Variants in GALNT7 observed in about 807,000 individuals in gnomAD.
GALNT7 encodes the protein polypeptide N-acetylgalactosaminyltransferase 7.
GALNT7 carries 60 observed loss-of-function variants against 82.1 expected under a neutral mutation model. The ratio of observed to expected loss-of-function variants is 0.73; its 90% CI spans 0.59 to 0.91. GALNT7 has a LOEUF of 0.91. Ranked by LOEUF, GALNT7 falls within the 40% of genes least tolerant of loss-of-function variation. GALNT7 has a pLI of 0.00. For missense variants in GALNT7, 660 were observed against 804.2 expected (o/e 0.82, Z 2.17); for synonymous variants, 243 against 275.1 (o/e 0.88, Z 1.15).
chr4:173,297,709 C>T, intron 5 of GALNT7: 1 of 584,296 alleles, frequency 1.7e-6, no homozygotes, highest in Non-Finnish European at 2.7e-6. Context: ...ACAAACAAAT[C>T]AACAACAAAA....
chr4:173,286,252 GT>G (rs1322521515), intron 2 of GALNT7, among the ~76,000 whole-genome samples: 3 of 152,194 alleles, frequency 2.0e-5, no homozygotes, highest in African/African-American at 7.2e-5. Flanking sequence ...AAGTTCTCCA[GT>G]TTCCTTTGGG....
intron 2 of GALNT7, among the ~76,000 whole-genome samples, chr4:173,281,958 C>CA (rs889465641): frequency 6.6e-6 from 1 of 151,572 alleles, no homozygotes; most frequent in African/African-American, 2.4e-5. Flanking sequence ...GTCCTGCATC[C>CA]AAAAAAATTA....
At chr4:173,194,703 A>G (rs1007299451) in intron 1 of GALNT7, among the ~76,000 whole-genome samples, 50 of 152,208 alleles carry the variant, frequency 3.3e-4, no homozygotes, top group Non-Finnish European at 4.7e-4. Flanking sequence ...GGTTTGTTAC[A>G]TATGTATGCA....
intron 4 of GALNT7, 30 bp downstream of exon 4, chr4:173,295,556 A>G (rs777812847): frequency 3.3e-5 from 53 of 1,601,116 alleles, no homozygotes; most frequent in South Asian, 2.3e-4. Context: ...TACAATGTCA[A>G]CATTTTGGGT....
In GALNT7 at chr4:173,263,342, T is replaced by G. The variant is rs1463362816; in HGVS notation, c.587+14902T>G. Among the ~76,000 whole-genome samples the G allele has an allele frequency of 2.6e-5, 4 of 152,234 alleles. No homozygotes were observed. In the South Asian group the frequency reaches 6.2e-4, roughly 24 times the overall value. ...AAAATTTAATCTCTTATACTTGATT[T>G]ACTGGTAATTTCAGAGATTCTGTGC... On this transcript the variant is annotated intron_variant, in intron 2 of 11. Transcript: ENST00000265000.
intron 10 of GALNT7, 56 bp downstream of exon 10, chr4:173,317,788 A>G (rs1737662264): frequency 9.5e-7 from 1 of 1,053,540 alleles, no homozygotes; most frequent in Non-Finnish European, 1.5e-6. Flanking sequence ...CATCAGGTTT[A>G]TTGATCACAG....
chr4:173,178,060 C>CTGTGTGTGTGTGTGTGT, intron 1 of GALNT7, among the ~76,000 whole-genome samples: 1 of 123,580 alleles, frequency 8.1e-6, no homozygotes, highest in African/African-American at 4.5e-5. Flanking sequence ...TGTGCGCGCA[C>CTGTGTGTGTGTGTGTGT]GCGCGTGCGC....
At chr4:173,188,623 C>G (rs2126638038) in intron 1 of GALNT7, among the ~76,000 whole-genome samples, 1 of 152,320 alleles carries the variant, frequency 6.6e-6, no homozygotes, top group African/African-American at 2.4e-5. Flanking sequence ...GCGCTGTGGA[C>G]AGATGGACCT....
chr4:173,296,183 A>G (rs374285420), intron 5 of GALNT7, among the ~76,000 whole-genome samples: 1 of 152,210 alleles, frequency 6.6e-6, no homozygotes, highest in East Asian at 1.9e-4. Context: ...TTGAGGAACC[A>G]TGCTTTGATA....
intron 6 of GALNT7, 135 bp downstream of exon 6, chr4:173,298,432 T>C: frequency 1.6e-6 from 1 of 623,926 alleles, no homozygotes; most frequent in East Asian, 2.9e-5. Flanking sequence ...TTCCTTACAC[T>C]GTTTCAGAGC....
intron 1 of GALNT7, among the ~76,000 whole-genome samples, chr4:173,195,236 A>G (rs1485562616): frequency 3.3e-5 from 5 of 152,138 alleles, no homozygotes; most frequent in Admixed American, 2.6e-4. Flanking sequence ...ATTTGTGACT[A>G]TTTCTCATGT....
At chr4:173,275,194 C>T (rs773273178) in intron 2 of GALNT7, among the ~76,000 whole-genome samples, 4 of 152,142 alleles carry the variant, frequency 2.6e-5, no homozygotes, top group Non-Finnish European at 4.4e-5. Flanking sequence ...AAACTGTATT[C>T]GAACGTTTCT....
At chr4:173,241,483 G>T (rs540988451) in intron 1 of GALNT7, among the ~76,000 whole-genome samples, 1 of 152,256 alleles carries the variant, frequency 6.6e-6, no homozygotes, top group African/African-American at 2.4e-5. Context: ...CTTCTTTTAA[G>T]AATTCCAAAT....
intron 1 of GALNT7, among the ~76,000 whole-genome samples, chr4:173,213,499 A>G (rs970540648): frequency 2.6e-5 from 4 of 152,178 alleles, no homozygotes; most frequent in Admixed American, 2.6e-4. Flanking sequence ...TGGTTAGGCA[A>G]TGAGACAGTA....
intron 1 of GALNT7, among the ~76,000 whole-genome samples, chr4:173,222,626 A>G (rs1733681085): frequency 6.6e-6 from 1 of 152,204 alleles, no homozygotes; most frequent in African/African-American, 2.4e-5. Context: ...TTTTGTATAA[A>G]GTGTTCTCCT....
At chr4:173,188,444 T>A (rs1389915883) in intron 1 of GALNT7, among the ~76,000 whole-genome samples, 1 of 152,196 alleles carries the variant, frequency 6.6e-6, no homozygotes, top group Non-Finnish European at 1.5e-5. Flanking sequence ...TATCACCCCC[T>A]CAGAGATTTC....
rs374246807 is a variant in GALNT7 at position 173,178,062 on chromosome 4, CGCGT to C, written c.126+9105_126+9108del. 2.8e-3 allele frequency among the ~76,000 whole-genome samples: 404 copies of C among 144,686 alleles called. 4 individuals are homozygous for C. Among genetic ancestry groups the C allele is most frequent in the African/African-American group, 8.5e-3 (304 of 35,740 alleles). The allele number at this position is 144,686 out of a possible 152,430, so 94.9% of individuals were successfully genotyped here. A position where few individuals can be genotyped will look rare whatever the true frequency, so the allele number is the denominator to read the frequency against. On this transcript the variant is annotated intron_variant, in intron 1 of 11. Coordinates refer to ENST00000265000, the MANE Select transcript of GALNT7 (RefSeq NM_017423.3). ...GTGTGTGTGTGTGTGTGCGCGCACG[CGCGT>C]GCGCACAGACACCTATGTATATATA...
intron 1 of GALNT7, among the ~76,000 whole-genome samples, chr4:173,217,899 T>A (rs1407996631): frequency 6.6e-6 from 1 of 152,162 alleles, no homozygotes; most frequent in Non-Finnish European, 1.5e-5. Flanking sequence ...TGTAAGATAC[T>A]CCCTATAAAG....
intron 11 of GALNT7, 132 bp from the exon 12 acceptor site, chr4:173,321,447 CA>C: frequency 4.7e-6 from 3 of 638,364 alleles, no homozygotes; most frequent in African/African-American, 3.7e-5. Context: ...AAGAGAAATC[CA>C]AAGTCTGAGG....
Sources: gnomAD v4.1 joint callset for allele counts (sites outside exome capture counted in the v4.1 genomes callset) on GRCh38, gnomAD v4.1.1 for gene constraint, MANE v1.5 for transcripts, NCBI Gene and HGNC (gene_info 2026-07-23, HGNC 2026-07-21) for gene names.